Variants in AGBL4 observed in about 807,000 individuals in gnomAD.
The protein encoded by AGBL4 is cytosolic carboxypeptidase 6.
Under a neutral mutation model 66.4 loss-of-function variants are expected in AGBL4, and 58 were observed. The observed-to-expected ratio is 0.87, with a 90% CI of 0.71 to 1.09. The LOEUF (loss-of-function observed/expected upper bound fraction) is 1.09, where lower values mean the gene tolerates loss of function less well. Among genes scored for constraint, AGBL4 ranks in the 50% least tolerant of loss-of-function variants. AGBL4 has a pLI of 0.00. For missense variants in AGBL4, 579 were observed against 631.0 expected, an observed-to-expected ratio of 0.92 and a Z score of 0.88; for synonymous variants, 234 against 222.9, an observed-to-expected ratio of 1.05 and a Z score of -0.44.
At chr1:48,734,099 C>T (rs1216374220) in intron 6 of AGBL4, among the ~76,000 whole-genome samples, 1 of 152,138 alleles carries the variant, frequency 6.6e-6, no homozygotes. Flanking sequence ...TCAGGGTGAC[C>T]TCCCAAATCA....
intron 3 of AGBL4, among the ~76,000 whole-genome samples, chr1:49,325,434 G>A (rs776494264): frequency 1.3e-5 from 2 of 152,126 alleles, no homozygotes; most frequent in East Asian, 1.9e-4. Flanking sequence ...TACCTTTTCC[G>A]CTACCACTGT....
At chr1:49,497,860 T>G (rs1647750534) in intron 3 of AGBL4, among the ~76,000 whole-genome samples, 1 of 152,040 alleles carries the variant, frequency 6.6e-6, no homozygotes, top group Non-Finnish European at 1.5e-5. Flanking sequence ...ATTTCAAGTC[T>G]TCTGTAGTCC....
intron 3 of AGBL4, among the ~76,000 whole-genome samples, chr1:49,505,834 T>C (rs1004059945): frequency 1.3e-5 from 2 of 152,010 alleles, no homozygotes; most frequent in Non-Finnish European, 2.9e-5. Flanking sequence ...TATCCTTTAG[T>C]CTCTCTCTTC....
chr1:49,031,242 C>T (rs1165982957), intron 5 of AGBL4, among the ~76,000 whole-genome samples: 2 of 151,832 alleles, frequency 1.3e-5, no homozygotes, highest in African/African-American at 2.4e-5. Flanking sequence ...TACACAACAC[C>T]GTGCCTGGCT....
intron 6 of AGBL4, among the ~76,000 whole-genome samples, chr1:48,763,755 T>C (rs1644394960): frequency 6.6e-6 from 1 of 152,206 alleles, no homozygotes; most frequent in Non-Finnish European, 1.5e-5. Flanking sequence ...GGATGGAGAA[T>C]GAACCTCAGA....
intron 5 of AGBL4, among the ~76,000 whole-genome samples, chr1:48,867,455 T>C (rs1369480410): frequency 7.5e-6 from 1 of 133,672 alleles, no homozygotes; most frequent in Non-Finnish European, 1.6e-5. Context: ...GGTTAGAGCT[T>C]AGAGGTCTCT....
chr1:49,852,797 A>G (rs1021417477), intron 1 of AGBL4, among the ~76,000 whole-genome samples: 2 of 152,082 alleles, frequency 1.3e-5, no homozygotes. Context: ...CTGGAAATAA[A>G]CTAGGTTTGA....
At chr1:49,578,230 T>C (rs1644473745) in intron 3 of AGBL4, among the ~76,000 whole-genome samples, 1 of 152,196 alleles carries the variant, frequency 6.6e-6, no homozygotes, top group South Asian at 2.1e-4. Context: ...ATCAGTCTAC[T>C]ACTCCACAAT....
chr1:48,671,875 G>C (rs1646282723), intron 6 of AGBL4, among the ~76,000 whole-genome samples: 1 of 152,200 alleles, frequency 6.6e-6, no homozygotes, highest in Non-Finnish European at 1.5e-5. Flanking sequence ...AGCTAGAACT[G>C]AGTGCCCAGG....
chr1:49,288,248 A>C (rs960731244), intron 3 of AGBL4, among the ~76,000 whole-genome samples: 2 of 147,618 alleles, frequency 1.4e-5, no homozygotes, highest in African/African-American at 2.5e-5. Context: ...TAGCATTGGG[A>C]GATATACCTA....
intron 3 of AGBL4, among the ~76,000 whole-genome samples, chr1:49,672,390 T>C (rs911788798): frequency 6.6e-6 from 1 of 152,050 alleles, no homozygotes; most frequent in Non-Finnish European, 1.5e-5. Flanking sequence ...AACTCTTGTG[T>C]AATAAGATTA....
At chr1:49,735,313 GT>G (rs1649791452) in intron 2 of AGBL4, among the ~76,000 whole-genome samples, 2 of 150,844 alleles carry the variant, frequency 1.3e-5, no homozygotes, top group Non-Finnish European at 3.0e-5. Context: ...GTGTGTGTGT[GT>G]GTGTGTGTGT....
At position 48,680,581 on chromosome 1, in the gene AGBL4, G is replaced by A. The variant is rs17104642; in HGVS notation, c.635-17340C>T. Among the ~76,000 whole-genome samples, 1,311 of 152,328 alleles carry A rather than the reference G, an allele frequency of 8.6e-3. 19 individuals carry two copies. The highest frequency in any genetic ancestry group is 0.029 in the African/African-American group (1,209 of 41,558). ...CCCAGGAAGTTAGAAAAACCACAAC[G>A]AATTTCAGTGGCACATGCTGAAAAG... On this transcript the variant is annotated intron_variant, in intron 6 of 13. Coordinates refer to ENST00000371839, the MANE Select transcript of AGBL4 (RefSeq NM_032785.4).
At chr1:49,574,519 A>G (rs1300941826) in intron 3 of AGBL4, among the ~76,000 whole-genome samples, 1 of 152,166 alleles carries the variant, frequency 6.6e-6, no homozygotes, top group Non-Finnish European at 1.5e-5. Flanking sequence ...TCCAGCTGAG[A>G]GGATCCAGAC....
At chr1:48,562,026 T>C (rs1644403929) in intron 11 of AGBL4, among the ~76,000 whole-genome samples, 1 of 152,244 alleles carries the variant, frequency 6.6e-6, no homozygotes, top group South Asian at 2.1e-4. Flanking sequence ...TAGACTTAGA[T>C]ACAGATATTG....
chr1:49,395,789 G>A (rs149574590), intron 3 of AGBL4, among the ~76,000 whole-genome samples: 6,738 of 121,202 alleles, frequency 0.056, 441 homozygotes, highest in African/African-American at 0.17. Context: ...GTGTATATAT[G>A]TATATATATA....
intron 2 of AGBL4, among the ~76,000 whole-genome samples, chr1:49,830,214 C>A (rs1404022896): frequency 6.6e-6 from 1 of 152,174 alleles, no homozygotes; most frequent in Non-Finnish European, 1.5e-5. Flanking sequence ...AATGGTTGAA[C>A]TAATTTACAC....
chr1:48,525,339 G>A, the AGBL4 span, among the ~76,000 whole-genome samples: 1 of 152,120 alleles, frequency 6.6e-6, no homozygotes, highest in South Asian at 2.1e-4. Context: ...CCTGAAGGAG[G>A]GGTCTTGTAG....
At chr1:49,369,379 T>C (rs1314830213) in intron 3 of AGBL4, among the ~76,000 whole-genome samples, 1 of 152,178 alleles carries the variant, frequency 6.6e-6, no homozygotes, top group Non-Finnish European at 1.5e-5. Flanking sequence ...TAACAGGGAA[T>C]AGATTTAACT....
Sources: allele counts gnomAD v4.1 joint callset (sites outside exome capture counted in the v4.1 genomes callset), GRCh38; gene constraint gnomAD v4.1.1; transcripts MANE v1.5; gene names NCBI Gene and HGNC (gene_info 2026-07-23, HGNC 2026-07-21).